The following RNF220 variants were observed in gnomAD, a reference collection of about 807,000 sequenced individuals.
RNF220 encodes the protein E3 ubiquitin-protein ligase RNF220.
RNF220 carries 7 observed loss-of-function variants against 67.1 expected under a neutral mutation model. The observed-to-expected ratio is 0.10, with a 90% CI of 0.06 to 0.20. The LOEUF (loss-of-function observed/expected upper bound fraction) is 0.20, where lower values mean the gene tolerates loss of function less well. Among genes scored for constraint, RNF220 ranks in the 10% least tolerant of loss-of-function variants. The probability of loss-of-function intolerance (pLI) is 1.00; values close to 1 mark genes in which losing one functional copy is unlikely to be tolerated. For synonymous variants in RNF220, 270 were observed against 283.2 expected (o/e 0.95, Z 0.47); for missense variants, 565 against 740.3 (o/e 0.76, Z 2.75).
chr1:44,531,438 C>T (rs993039769), intron 2 of RNF220, among the ~76,000 whole-genome samples: 2 of 152,312 alleles, frequency 1.3e-5, no homozygotes, highest in Admixed American at 6.5e-5. Context: ...GGACTCACTC[C>T]GTTCCAAGCA....
chr1:44,518,942 G>C (rs1370291420), intron 2 of RNF220, among the ~76,000 whole-genome samples: 2 of 152,066 alleles, frequency 1.3e-5, no homozygotes, highest in Non-Finnish European at 2.9e-5. Flanking sequence ...GCAGCTAGAG[G>C]CCATGTCTTC....
intron 2 of RNF220, among the ~76,000 whole-genome samples, chr1:44,588,753 C>A (rs905418314): frequency 6.6e-6 from 1 of 152,162 alleles, no homozygotes; most frequent in African/African-American, 2.4e-5. Context: ...ATGAGCAGGG[C>A]CCCAGCACAG....
intron 2 of RNF220, among the ~76,000 whole-genome samples, chr1:44,560,608 C>G (rs1217067710): frequency 6.6e-6 from 1 of 152,184 alleles, no homozygotes; most frequent in Admixed American, 6.5e-5. Flanking sequence ...GTTGCCCAGG[C>G]TGGAGTGCAA....
chr1:44,632,952 T>G (rs1644210991), intron 6 of RNF220: 1 of 155,732 alleles, frequency 6.4e-6, no homozygotes, highest in Non-Finnish European at 1.4e-5. Context: ...AGGCCGTGTA[T>G]GCACTACCTA....
intron 2 of RNF220, among the ~76,000 whole-genome samples, chr1:44,466,871 G>A (rs1654318547): frequency 6.6e-6 from 1 of 152,190 alleles, no homozygotes; most frequent in African/African-American, 2.4e-5. Flanking sequence ...AAGGGCCCTA[G>A]GATATTTGGA....
chr1:44,414,017 G>T (rs1210919650), intron 2 of RNF220, among the ~76,000 whole-genome samples: 2 of 152,208 alleles, frequency 1.3e-5, no homozygotes, highest in Admixed American at 6.5e-5. Context: ...GAAATATGTT[G>T]CAAGTGTGTC....
chr1:44,642,265 G>A (rs932566862), intron 8 of RNF220, among the ~76,000 whole-genome samples: 6 of 152,242 alleles, frequency 3.9e-5, no homozygotes, highest in Admixed American at 2.0e-4. Flanking sequence ...CATCTGCCAC[G>A]CAGAGCACCA....
intron 2 of RNF220, among the ~76,000 whole-genome samples, chr1:44,460,432 G>A (rs972206002): frequency 6.6e-6 from 1 of 152,344 alleles, no homozygotes; most frequent in East Asian, 1.9e-4. Flanking sequence ...AATTGGAAGT[G>A]AGAAGTGGAG....
chr1:44,614,009 G>T (rs1420367381), intron 2 of RNF220, among the ~76,000 whole-genome samples, 156 bp from the exon 3 acceptor site: 1 of 152,236 alleles, frequency 6.6e-6, no homozygotes, highest in Admixed American at 6.5e-5. Flanking sequence ...CTGCAAGGAG[G>T]AGGGGTGCTC....
At chr1:44,629,143 TTTC>T (rs1415766489) in intron 5 of RNF220, among the ~76,000 whole-genome samples, 2 of 152,236 alleles carry the variant, frequency 1.3e-5, no homozygotes, top group Non-Finnish European at 2.9e-5. Context: ...TTCAATCAGC[TTTC>T]TTACTTAGCA....
intron 4 of RNF220, among the ~76,000 whole-genome samples, chr1:44,625,491 G>C (rs1643911964): frequency 6.6e-6 from 1 of 152,144 alleles, no homozygotes; most frequent in African/African-American, 2.4e-5. Context: ...CTGGCGATTT[G>C]GCATGGTTTT....
intron 2 of RNF220, among the ~76,000 whole-genome samples, chr1:44,497,747 A>C (rs1452201082): frequency 6.6e-6 from 1 of 151,964 alleles, no homozygotes; most frequent in East Asian, 1.9e-4. Flanking sequence ...AATTCCCCTC[A>C]TCCCTGGTTC....
At chr1:44,576,530 G>GC (rs1297184734) in intron 2 of RNF220, among the ~76,000 whole-genome samples, 2 of 152,272 alleles carry the variant, frequency 1.3e-5, no homozygotes, top group East Asian at 3.9e-4. Context: ...AGACTGGGGA[G>GC]CCCTGGGCAA....
intron 2 of RNF220, among the ~76,000 whole-genome samples, chr1:44,475,427 C>G (rs1305029581): frequency 1.5e-4 from 23 of 151,344 alleles, no homozygotes; most frequent in Admixed American, 1.4e-3. Context: ...AAAAATTAGC[C>G]GGCATGGTGG....
chr1:44,542,183 G>C (rs1469920561), intron 2 of RNF220, among the ~76,000 whole-genome samples: 1 of 152,220 alleles, frequency 6.6e-6, no homozygotes, highest in African/African-American at 2.4e-5. Flanking sequence ...TCACAAGGGA[G>C]CTTTACAGTG....
At chr1:44,433,816 A>T (rs1650664485) in intron 2 of RNF220, among the ~76,000 whole-genome samples, 2 of 152,096 alleles carry the variant, frequency 1.3e-5, no homozygotes, top group Non-Finnish European at 2.9e-5. Flanking sequence ...TACAAACATT[A>T]GCTGGTGCAG....
intron 2 of RNF220, among the ~76,000 whole-genome samples, chr1:44,435,786 C>T (rs1479126811): frequency 3.3e-5 from 5 of 152,006 alleles, no homozygotes; most frequent in South Asian, 2.1e-4. Flanking sequence ...AAAAATTATC[C>T]GGGCATGGTG....
rs1382765035 is a variant in RNF220 at position 44,600,835 on chromosome 1, G to A, written c.626-13330G>A. ...AGACTCTGTCTCAAAAAAAAAAAAA[G>A]TACAGTGCTTGCCACAGAGTAAGCA... is the stretch of plus-strand genomic sequence containing the variant. On this transcript the variant is annotated intron_variant, in intron 2 of 14. Coordinates refer to ENST00000361799, the MANE Select transcript of RNF220 (RefSeq NM_018150.4). This position sits in a 1 kb window ranked among gnomAD's most constrained non-coding sequence, Gnocchi z 4.0. Among the ~76,000 whole-genome samples, 4 of 149,054 alleles carry A rather than the reference G, an allele frequency of 2.7e-5. No individual in the cohort carries two copies. The highest frequency in any genetic ancestry group is 7.5e-5 in the African/African-American group (3 of 40,214).
intron 2 of RNF220, among the ~76,000 whole-genome samples, chr1:44,463,731 C>T (rs937001956): frequency 6.6e-6 from 1 of 152,240 alleles, no homozygotes; most frequent in Non-Finnish European, 1.5e-5. Context: ...TGTCTCCTGA[C>T]CTCTTTCTTT....
Sources: gnomAD v4.1 joint callset for allele counts (sites outside exome capture counted in the v4.1 genomes callset) on GRCh38, gnomAD v4.1.1 for gene constraint, Gnocchi (gnomAD v3.1) non-coding constraint, MANE v1.5 for transcripts, NCBI Gene and HGNC (gene_info 2026-07-23, HGNC 2026-07-21) for gene names.